Variants in STAU2 observed in about 807,000 individuals in gnomAD.
The protein encoded by STAU2 is staufen double-stranded RNA binding protein 2, also known as double-stranded RNA-binding protein Staufen homolog 2.
A neutral mutation model predicts 65.9 loss-of-function variants in STAU2; 20 were observed. That is an observed-to-expected ratio of 0.30 (90% CI 0.21 to 0.44). The LOEUF (loss-of-function observed/expected upper bound fraction) is 0.44. STAU2 is among the 20% of genes least tolerant of loss of function. The probability of loss-of-function intolerance (pLI) is 1.00; values close to 1 mark genes in which losing one functional copy is unlikely to be tolerated. For missense variants in STAU2, 558 were observed against 683.9 expected (o/e 0.82, Z 2.05); for synonymous variants, 232 against 233.9 (o/e 0.99, Z 0.07).
At chr8:73,571,586 A>C (rs1045260444) in intron 12 of STAU2, among the ~76,000 whole-genome samples, 89 of 152,244 alleles carry the variant, frequency 5.8e-4, no homozygotes, top group Non-Finnish European at 1.0e-3. Flanking sequence ...ACTCAGGATT[A>C]AGAAACTCAC....
chr8:73,681,526 A>G lies in STAU2; in HGVS notation c.274+7128T>C, dbSNP rs574466548. Among the ~76,000 whole-genome samples the G allele has an allele frequency of 8.3e-4, 127 of 152,332 alleles. 1 individual carries two copies. The highest frequency in any genetic ancestry group is 2.9e-3 in the African/African-American group (121 of 41,570). ...CAAAACAGAACCTCCTTAAAGCATA[A>G]ATCTCACAGGGCCTATAAAACAATA... On this transcript the variant is annotated intron_variant, in intron 5 of 14. Transcript: ENST00000524300.
chr8:73,731,612 A>G (rs1336783669), intron 3 of STAU2, among the ~76,000 whole-genome samples: 1 of 152,206 alleles, frequency 6.6e-6, no homozygotes, highest in Non-Finnish European at 1.5e-5. Flanking sequence ...TTTTTGCTAC[A>G]TAACAAATTA....
At chr8:73,433,691 T>C (rs1817484674) in intron 13 of STAU2, among the ~76,000 whole-genome samples, 1 of 150,490 alleles carries the variant, frequency 6.6e-6, no homozygotes, top group South Asian at 2.1e-4. Context: ...AGCAGAGACA[T>C]GGTTTCGCCA....
intron 13 of STAU2, among the ~76,000 whole-genome samples, chr8:73,469,319 T>G (rs1412801251): frequency 8.1e-5 from 12 of 147,622 alleles, no homozygotes; most frequent in South Asian, 2.2e-4. Flanking sequence ...GTTGGGGGAG[T>G]GGGGAGGGAT....
intron 6 of STAU2, chr8:73,668,868 A>T: frequency 2.0e-6 from 1 of 509,600 alleles, no homozygotes; most frequent in Non-Finnish European, 3.5e-6. Flanking sequence ...GTTCAAGTGG[A>T]GAAACATCAT....
chr8:73,491,361 C>T (rs1449746227), intron 13 of STAU2, among the ~76,000 whole-genome samples: 1 of 151,938 alleles, frequency 6.6e-6, no homozygotes, highest in Admixed American at 6.6e-5. Context: ...CATGTGAAGG[C>T]TAGCAGAGCA....
chr8:73,673,045 A>T, intron 6 of STAU2, 62 bp downstream of exon 6: 1 of 1,395,312 alleles, frequency 7.2e-7, no homozygotes, highest in East Asian at 2.4e-5. Flanking sequence ...TTTGAGTGTG[A>T]GAAACTTTTA....
At chr8:73,657,085 A>G (rs1232343022) in intron 6 of STAU2, among the ~76,000 whole-genome samples, 1 of 152,246 alleles carries the variant, frequency 6.6e-6, no homozygotes, top group Non-Finnish European at 1.5e-5. Flanking sequence ...CAAAAACTAC[A>G]GGAGATGCAA....
intron 12 of STAU2, among the ~76,000 whole-genome samples, chr8:73,557,668 T>C (rs888287844): frequency 2.0e-5 from 3 of 152,238 alleles, no homozygotes; most frequent in African/African-American, 7.2e-5. Flanking sequence ...TGGTTACTGC[T>C]CAGGATAAAC....
In STAU2 at chr8:73,719,632, A is replaced by C. The variant is rs115931577; in HGVS notation, c.-17-10470T>G. ...TAAATTACACTACTGATTTTTTGGAACACTAAACCAACCCCACATTCCTGG... is the reference window on the plus strand; with the variant it reads ...TAAATTACACTACTGATTTTTTGGACCACTAAACCAACCCCACATTCCTGG... On this transcript the variant is annotated intron_variant, in intron 3 of 14. Coordinates refer to ENST00000524300, the MANE Select transcript of STAU2 (RefSeq NM_001164380.2). Among the ~76,000 whole-genome samples, 1,224 of 152,306 alleles carry C rather than the reference A, an allele frequency of 8.0e-3. 23 individuals are homozygous for C. The highest frequency in any genetic ancestry group is 0.027 in the African/African-American group (1,141 of 41,578).
At chr8:73,508,955 T>C (rs1489706597) in intron 13 of STAU2, among the ~76,000 whole-genome samples, 2 of 152,272 alleles carry the variant, frequency 1.3e-5, no homozygotes, top group Non-Finnish European at 2.9e-5. Flanking sequence ...ATAATGCTGC[T>C]ACTATTATTT....
intron 13 of STAU2, among the ~76,000 whole-genome samples, chr8:73,442,659 G>A (rs1216609016): frequency 6.6e-6 from 1 of 152,178 alleles, no homozygotes; most frequent in Non-Finnish European, 1.5e-5. Context: ...TAAGAGGGTT[G>A]ACACATTCTA....
intron 12 of STAU2, among the ~76,000 whole-genome samples, chr8:73,569,589 G>A (rs1017530040): frequency 6.6e-6 from 1 of 151,350 alleles, no homozygotes; most frequent in African/African-American, 2.4e-5. Context: ...TCATACAGCT[G>A]GGTGCCCCTC....
intron 12 of STAU2, among the ~76,000 whole-genome samples, chr8:73,565,551 C>A (rs1808540576): frequency 6.6e-6 from 1 of 152,066 alleles, no homozygotes; most frequent in African/African-American, 2.4e-5. Context: ...GTTCAGTGAG[C>A]CCACCATATT....
chr8:73,453,631 T>C (rs1398981923), intron 13 of STAU2, among the ~76,000 whole-genome samples: 2 of 152,162 alleles, frequency 1.3e-5, no homozygotes, highest in Non-Finnish European at 2.9e-5. Context: ...CCTGAGTAGC[T>C]AAACCAGTTT....
At position 73,688,873 on chromosome 8, in the gene STAU2, C is replaced by T. The variant is rs553579809; in HGVS notation, c.115-60G>A. On this transcript the variant is annotated intron_variant, in intron 4 of 14. Coordinates refer to ENST00000524300, the MANE Select transcript of STAU2 (RefSeq NM_001164380.2). Reference sequence around the variant, plus strand: ...AGACTTTTCCAAGAAATAAAATTGGCTGTCTGAGAGAAAAATAAACATCAT... The same window carrying T: ...AGACTTTTCCAAGAAATAAAATTGGTTGTCTGAGAGAAAAATAAACATCAT... 1.7e-5 allele frequency: 27 copies of T among 1,572,920 alleles called. No individual in the cohort carries two copies. In the Admixed American group the frequency reaches 3.8e-4, roughly 22 times the overall value.
rs539149176 is a variant in STAU2, at chr8:73,525,069, C to G, written c.1530+26943G>C. On this transcript the variant is annotated intron_variant, in intron 13 of 14. Coordinates refer to ENST00000524300, the MANE Select transcript of STAU2 (RefSeq NM_001164380.2). ...GAGCAGTGATCACACCCCCTACTTT[C>G]TACCTCCTAGGCCACTACAATAGTG... Among the ~76,000 whole-genome samples the G allele has an allele frequency of 3.9e-5, 6 of 152,170 alleles. No individual in the cohort carries two copies. In the South Asian group the frequency reaches 1.2e-3, roughly 31 times the overall value.
intron 4 of STAU2, among the ~76,000 whole-genome samples, chr8:73,701,856 A>C (rs1444445511): frequency 6.6e-6 from 1 of 152,222 alleles, no homozygotes; most frequent in African/African-American, 2.4e-5. Context: ...TGAATGGATA[A>C]AGAGTGGTAT....
At chr8:73,626,508 T>C (rs1813651872) in intron 6 of STAU2, among the ~76,000 whole-genome samples, 1 of 152,174 alleles carries the variant, frequency 6.6e-6, no homozygotes, top group Non-Finnish European at 1.5e-5. Context: ...TTGTTGCTAT[T>C]TACCCGAGGA....
Sources: allele counts gnomAD v4.1 joint callset (sites outside exome capture counted in the v4.1 genomes callset), GRCh38; gene constraint gnomAD v4.1.1; transcripts MANE v1.5; gene names NCBI Gene and HGNC (gene_info 2026-07-23, HGNC 2026-07-21).